Variants in NEK5 observed in about 807,000 individuals in gnomAD.
The protein encoded by NEK5 is serine/threonine-protein kinase Nek5.
NEK5 carries 88 observed loss-of-function variants against 109.2 expected under a neutral mutation model. That is an observed-to-expected ratio of 0.81 (90% confidence interval 0.68 to 0.96). The LOEUF (loss-of-function observed/expected upper bound fraction) is 0.96, where lower values mean the gene tolerates loss of function less well. NEK5 is among the 40% of genes least tolerant of loss of function. NEK5 has a pLI of 0.00. For synonymous variants in NEK5, 283 were observed against 299.9 expected (o/e 0.94, Z 0.58); for missense variants, 834 against 920.7 (o/e 0.91, Z 1.22).
At chr13:52,064,382 C>T (rs1400702303) in intron 21 of NEK5, among the ~76,000 whole-genome samples, 8 of 144,318 alleles carry the variant, frequency 5.5e-5, no homozygotes, top group Non-Finnish European at 9.2e-5. Context: ...CCCGGCCAGC[C>T]GCCCCGTCCG....
chr13:52,064,270 T>G (rs1466749057), intron 21 of NEK5, among the ~76,000 whole-genome samples: 2 of 111,354 alleles, frequency 1.8e-5, no homozygotes, highest in Non-Finnish European at 3.7e-5. Flanking sequence ...GTCCGGGAGG[T>G]GAGGGGCGCC....
Position 52,034,136 on chromosome 13 carries a change from T to C in NEK5, c.*2812A>G, listed in dbSNP as rs1440866059. On this transcript the variant is annotated 3_prime_UTR_variant, in exon 24 of 24. Transcript: ENST00000684899. ...GCTACCATTTACAGAATGATCAATT[T>C]GATAGCTATCATACATGGCTAGCAA... The C allele has an allele frequency of 6.6e-6, 1 of 152,192 alleles. No individual in the cohort carries two copies. Among genetic ancestry groups the C allele is most frequent in the East Asian group, 1.9e-4 (1 of 5,196 alleles). The allele number at this position is 152,192 out of a possible 1,614,324, so 9.4% of individuals were successfully genotyped here. A position where few individuals can be genotyped will look rare whatever the true frequency, so the allele number is the denominator to read the frequency against.
At chr13:52,086,844 A>G (rs927331944) in intron 15 of NEK5, among the ~76,000 whole-genome samples, 3 of 152,238 alleles carry the variant, frequency 2.0e-5, no homozygotes, top group Non-Finnish European at 4.4e-5. Flanking sequence ...CAGGAAGAAC[A>G]GCATGTGATG....
chr13:52,108,334 G>T lies in NEK5; in HGVS notation c.538C>A (p.Pro180Thr). ...YLSPEICQNK[P>T]YNNKTDIWSL... is the part of the protein sequence containing the mutation. ...GCAACTTACGTTTTATTGTTGTAGG[G>T]TTTATTCTGACAGATCTCTGGGGAC... Residue 180 changes from proline (P) to threonine (T), a missense_variant, in exon 8 of 24, where the codon CCC becomes ACC. By Grantham distance (38) the Pro-to-Thr change is conservative (BLOSUM62 -1). Coordinates refer to ENST00000684899, the MANE Select transcript of NEK5 (RefSeq NM_001365552.1). 6.2e-7 allele frequency: 1 copy of T among 1,609,916 alleles called. No homozygotes were observed. Among genetic ancestry groups the T allele is most frequent in the Non-Finnish European group, 8.5e-7 (1 of 1,176,866 alleles).
intron 20 of NEK5, among the ~76,000 whole-genome samples, chr13:52,071,675 A>G (rs1954785917): frequency 6.6e-6 from 1 of 152,180 alleles, no homozygotes. Flanking sequence ...CCAGAAGACA[A>G]TGAGAAAGAC....
At chr13:52,066,095 T>C (rs1954686983) in intron 20 of NEK5, among the ~76,000 whole-genome samples, 1 of 152,214 alleles carries the variant, frequency 6.6e-6, no homozygotes, top group Non-Finnish European at 1.5e-5. Flanking sequence ...GTTTTTGCTT[T>C]GTTTTGAAAC....
At chr13:52,083,222 C>T in intron 17 of NEK5, 38 bp downstream of exon 17, 1 of 1,381,260 alleles carries the variant, frequency 7.2e-7, no homozygotes, top group Non-Finnish European at 1.0e-6. Context: ...AGAGCACACA[C>T]ACTGCAAGCA....
chr13:52,075,977 G>A, intron 18 of NEK5, 86 bp downstream of exon 18: 1 of 957,004 alleles, frequency 1.0e-6, no homozygotes, highest in East Asian at 2.4e-5. Flanking sequence ...AATACTAGGG[G>A]GAAAATCATG....
chr13:52,125,346 G>A (rs183449398), intron 3 of NEK5, among the ~76,000 whole-genome samples: 40 of 152,280 alleles, frequency 2.6e-4, no homozygotes, highest in Admixed American at 7.2e-4. Flanking sequence ...GGTGGATCAC[G>A]AAGTCAGGAG....
At chr13:52,076,421 C>T (rs1301775087) in intron 17 of NEK5, among the ~76,000 whole-genome samples, 1 of 152,164 alleles carries the variant, frequency 6.6e-6, no homozygotes, top group Non-Finnish European at 1.5e-5. Flanking sequence ...ATTTTGACTA[C>T]AGGATCTTTC....
At chr13:52,092,937 T>C (rs762236810) in intron 13 of NEK5, 117 bp downstream of exon 13, 71 of 700,116 alleles carry the variant, frequency 1.0e-4, no homozygotes, top group Non-Finnish European at 1.5e-4. Context: ...AAATGAAGAT[T>C]TGGAAAGTTC....
At chr13:52,051,580 C>A (rs1220374865) in intron 22 of NEK5, among the ~76,000 whole-genome samples, 2 of 152,074 alleles carry the variant, frequency 1.3e-5, no homozygotes, top group South Asian at 2.1e-4. Flanking sequence ...TGAGAGAGAA[C>A]TGATTTTTGT....
At chr13:52,111,485 T>C (rs1756155395) in intron 5 of NEK5, among the ~76,000 whole-genome samples, 1 of 152,210 alleles carries the variant, frequency 6.6e-6, no homozygotes, top group African/African-American at 2.4e-5. Context: ...GTTAGAGATA[T>C]TGATTTTTTA....
intron 13 of NEK5, among the ~76,000 whole-genome samples, chr13:52,090,399 G>C (rs1955253808): frequency 6.6e-6 from 1 of 152,168 alleles, no homozygotes; most frequent in South Asian, 2.1e-4. Flanking sequence ...TTTACAAAGA[G>C]GCAAGTTAAT....
Position 52,047,498 on chromosome 13 carries a change from G to T in NEK5, c.2228+2606C>A, listed in dbSNP as rs1169939544. On this transcript the variant is annotated intron_variant, in intron 23 of 23. Coordinates refer to ENST00000684899, the MANE Select transcript of NEK5 (RefSeq NM_001365552.1). ...GTTAGGTAGTAGGAAGACTGAAAAG[G>T]GTCTACTTAAAAAATTTGGGACGTA... 3.9e-5 allele frequency among the ~76,000 whole-genome samples: 6 copies of T among 152,064 alleles called. No homozygotes were observed. In the East Asian group the frequency reaches 1.2e-3, roughly 29 times the overall value.
chr13:52,128,294 G>T (rs945676033), intron 1 of NEK5, among the ~76,000 whole-genome samples: 1 of 151,786 alleles, frequency 6.6e-6, no homozygotes. Context: ...GGAAAACCAC[G>T]CGCTTCACTG....
intron 1 of NEK5, among the ~76,000 whole-genome samples, chr13:52,128,717 T>TC (rs1257639763): frequency 6.6e-6 from 1 of 152,006 alleles, no homozygotes; most frequent in Non-Finnish European, 1.5e-5. Flanking sequence ...CCCGCGACCC[T>TC]CCCGCCCAAG....
chr13:52,105,512 A>C (rs1955635413), intron 8 of NEK5, among the ~76,000 whole-genome samples: 1 of 150,830 alleles, frequency 6.6e-6, no homozygotes, highest in Non-Finnish European at 1.5e-5. Context: ...AGCCGCCTGC[A>C]CCTGACCCAG....
intron 8 of NEK5, among the ~76,000 whole-genome samples, chr13:52,105,236 T>C (rs1955625604): frequency 1.1e-5 from 1 of 87,748 alleles, no homozygotes; most frequent in Admixed American, 1.3e-4. Context: ...GCTTTGTGCA[T>C]GAGTGTGTGT....
Sources: gnomAD v4.1 joint callset for allele counts (sites outside exome capture counted in the v4.1 genomes callset) on GRCh38, gnomAD v4.1.1 for gene constraint, MANE v1.5 for transcripts, NCBI Gene and HGNC (gene_info 2026-07-23, HGNC 2026-07-21) for gene names.